Variants in SLC39A14 observed in about 807,000 individuals in gnomAD.
SLC39A14 encodes the protein solute carrier family 39 member 14, also known as metal cation symporter ZIP14.
SLC39A14 carries 19 observed loss-of-function variants against 45.5 expected under a neutral mutation model. The observed-to-expected ratio is 0.42, with a 90% CI of 0.29 to 0.61. SLC39A14 has a LOEUF of 0.61. SLC39A14 is among the 20% of genes least tolerant of loss of function. The pLI is 0.22. For missense variants in SLC39A14, 447 were observed against 616.5 expected (o/e 0.73, Z 2.91); for synonymous variants, 264 against 251.3 (o/e 1.05, Z -0.48).
In SLC39A14 at chr8:22,416,240, C is replaced by G. The variant is rs547783660; in HGVS notation, c.1107C>G (p.Thr369=). ...TGTCAGTTTTCCAAGGCATCAGCAC[C>G]TCGGTGGCCATCCTCTGTGAGGAGT... The part of the protein sequence containing the change: ...FTVSVFQGIS[T]SVAILCEEFP... The change falls in exon 7 of 9, where the codon ACC becomes ACG. Residue 369 remains threonine, a synonymous_variant. Transcript: ENST00000381237. 3.7e-5 allele frequency: 60 copies of G among 1,613,398 alleles called. 2 individuals are homozygous for G. The South Asian group carries it at 6.6e-4, about 18-fold the overall frequency.
intron 8 of SLC39A14, among the ~76,000 whole-genome samples, 166 bp from the exon 9 acceptor site, chr8:22,419,386 G>A (rs1295774089): frequency 6.6e-6 from 1 of 152,182 alleles, no homozygotes; most frequent in Non-Finnish European, 1.5e-5. Flanking sequence ...GTTTCACCAT[G>A]TTGGTCAGGC....
chr8:22,412,270 T>A, intron 4 of SLC39A14, 64 bp downstream of exon 4: 1 of 1,508,330 alleles, frequency 6.6e-7, no homozygotes, highest in Non-Finnish European at 9.0e-7. Context: ...GACCTCCGTT[T>A]GGATAGAAGG....
chr8:22,422,293 A>G lies in SLC39A14; in HGVS notation c.*2595A>G. 1 of 985,634 alleles carries G rather than the reference A, an allele frequency of 1.0e-6. No individual in the cohort carries two copies. The highest frequency in any genetic ancestry group is 1.2e-6 in the Non-Finnish European group (1 of 829,924). 61.1% of individuals were successfully genotyped at this position (985,634 alleles called of 1,614,324 possible). A position where few individuals can be genotyped will look rare whatever the true frequency, so the allele number is the denominator to read the frequency against. ...GGGTTCTGCTCCTTCTCACTTCACCACCGGCACACAGCTTGCCCCTGTCTT... is the reference window on the plus strand; with the variant it reads ...GGGTTCTGCTCCTTCTCACTTCACCGCCGGCACACAGCTTGCCCCTGTCTT... On this transcript the variant is annotated 3_prime_UTR_variant, in exon 9 of 9. Coordinates refer to ENST00000381237, the MANE Select transcript of SLC39A14 (RefSeq NM_001128431.4).
chr8:22,408,349 A>G lies in SLC39A14; in HGVS notation c.310A>G (p.Ser104Gly). The change falls in exon 3 of 9, where the codon AGC becomes GGC. Residue 104 changes from serine to glycine, a missense_variant. Coordinates refer to ENST00000381237, the MANE Select transcript of SLC39A14 (RefSeq NM_001128431.4). ...AGACCTCTTCACTGCCCACAATTTCAGCGAGCAGTCGCGGATTGGGAGCAG... is the reference window on the plus strand; with the variant it reads ...AGACCTCTTCACTGCCCACAATTTCGGCGAGCAGTCGCGGATTGGGAGCAG... ...SGDLFTAHNF[S>G]EQSRIGSSEL... 6.2e-7 allele frequency: 1 copy of G among 1,614,192 alleles called. No individual in the cohort carries two copies. Among genetic ancestry groups the G allele is most frequent in the Non-Finnish European group, 8.5e-7 (1 of 1,180,036 alleles).
intron 1 of SLC39A14, among the ~76,000 whole-genome samples, chr8:22,385,659 C>G (rs753254603): frequency 6.6e-5 from 10 of 152,058 alleles, no homozygotes; most frequent in Non-Finnish European, 1.0e-4. Context: ...TGGGCAAAGG[C>G]CAGTTGACAC....
At chr8:22,374,899 C>G (rs1833130734) in intron 1 of SLC39A14, among the ~76,000 whole-genome samples, 1 of 152,068 alleles carries the variant, frequency 6.6e-6, no homozygotes, top group East Asian at 1.9e-4. Flanking sequence ...GTGCACACCA[C>G]CACACCTAGC....
At chr8:22,390,229 A>G (rs1486511314) in intron 1 of SLC39A14, 4 of 153,894 alleles carry the variant, frequency 2.6e-5, no homozygotes, top group African/African-American at 9.7e-5. Context: ...TCTAATGTCT[A>G]CAGTATCACC....
intron 1 of SLC39A14, among the ~76,000 whole-genome samples, chr8:22,380,374 G>T (rs1037571607): frequency 5.9e-5 from 9 of 152,204 alleles, no homozygotes; most frequent in Non-Finnish European, 1.0e-4. Context: ...AGAAGGGACA[G>T]CAGTGTTTGG....
In SLC39A14 at chr8:22,367,562, G is replaced by A. The variant is rs1162663943; in HGVS notation, c.-16+154G>A. ...CACACGCCCGGACGGCTGGGTGGAG[G>A]CTGCACCTGGCCGTGGTGCCGCGCT... On this transcript the variant is annotated intron_variant, in intron 1 of 8. Transcript: ENST00000381237. This position sits in a 1 kb window ranked among gnomAD's most constrained non-coding sequence, Gnocchi z 4.2. The A allele has an allele frequency of 6.6e-6, 1 of 152,532 alleles. No homozygotes were observed. The highest frequency in any genetic ancestry group is 1.5e-5 in the Non-Finnish European group (1 of 68,330). The allele number at this position is 152,532 out of a possible 1,614,324, so 9.4% of individuals were successfully genotyped here.
intron 1 of SLC39A14, among the ~76,000 whole-genome samples, chr8:22,371,220 A>G (rs1473262045): frequency 2.0e-5 from 3 of 151,956 alleles, no homozygotes; most frequent in African/African-American, 7.2e-5. Context: ...TGGAGATCGG[A>G]CTGTTGTTAG....
intron 1 of SLC39A14, among the ~76,000 whole-genome samples, chr8:22,374,498 A>T (rs1487978256): frequency 3.9e-5 from 6 of 151,980 alleles, no homozygotes; most frequent in Admixed American, 6.6e-5. Context: ...AAAGCTAGGA[A>T]GCGGGAGAGA....
chr8:22,383,223 C>T (rs527918190), intron 1 of SLC39A14, among the ~76,000 whole-genome samples: 1 of 152,254 alleles, frequency 6.6e-6, no homozygotes, highest in Admixed American at 6.5e-5. Context: ...GCCTCCCAGC[C>T]AATTTTGTCC....
chr8:22,370,832 C>T (rs945800697), intron 1 of SLC39A14, among the ~76,000 whole-genome samples: 5 of 152,046 alleles, frequency 3.3e-5, no homozygotes, highest in African/African-American at 7.2e-5. Flanking sequence ...TCAGCCCAGC[C>T]GGGACTCACC....
intron 1 of SLC39A14, among the ~76,000 whole-genome samples, chr8:22,397,569 G>A (rs1166420585): frequency 2.0e-5 from 3 of 151,376 alleles, no homozygotes; most frequent in South Asian, 2.1e-4. Context: ...AAGAGCGGGC[G>A]AAAGAGCGAG....
chr8:22,379,259 A>G (rs563493467), intron 1 of SLC39A14, among the ~76,000 whole-genome samples: 1 of 152,334 alleles, frequency 6.6e-6, no homozygotes, highest in African/African-American at 2.4e-5. Flanking sequence ...AACTGATTTT[A>G]TCTGCAAAGT....
In SLC39A14 at chr8:22,405,578, G is replaced by A. The variant is rs541953566; in HGVS notation, c.270+598G>A. ...TCAGCCCCCCAGAATCTTCCTCAGC[G>A]CCGCACTTGAGTCACTCAGAAATAC... On this transcript the variant is annotated intron_variant, in intron 2 of 8. Coordinates refer to ENST00000381237, the MANE Select transcript of SLC39A14 (RefSeq NM_001128431.4). Among the ~76,000 whole-genome samples, 7 of 152,286 alleles carry A rather than the reference G, an allele frequency of 4.6e-5. No individual in the cohort carries two copies. The South Asian group carries it at 8.3e-4, about 18-fold the overall frequency.
At chr8:22,408,984 C>T (rs1006549343) in intron 3 of SLC39A14, among the ~76,000 whole-genome samples, 1 of 152,034 alleles carries the variant, frequency 6.6e-6, no homozygotes, top group African/African-American at 2.4e-5. Context: ...CCATGCCCAG[C>T]TAATTTTTAA....
chr8:22,407,535 A>G (rs1016209490), intron 2 of SLC39A14, among the ~76,000 whole-genome samples: 2 of 151,440 alleles, frequency 1.3e-5, no homozygotes, highest in African/African-American at 4.9e-5. Flanking sequence ...TAATTTTTGT[A>G]TTTTTAGTAG....
At chr8:22,402,390 G>GA (rs776556638) in intron 1 of SLC39A14, among the ~76,000 whole-genome samples, 3 of 144,976 alleles carry the variant, frequency 2.1e-5, no homozygotes, top group African/African-American at 2.5e-5. Context: ...GTCTCAAAAA[G>GA]AAAAAAAAAG....
Sources: allele counts gnomAD v4.1 joint callset (sites outside exome capture counted in the v4.1 genomes callset), GRCh38; gene constraint gnomAD v4.1.1; non-coding constraint Gnocchi (gnomAD v3.1); transcripts MANE v1.5; gene names NCBI Gene and HGNC (gene_info 2026-07-23, HGNC 2026-07-21).